Variants in ATP2A2 observed in about 807,000 individuals in gnomAD.
The protein encoded by ATP2A2 is sarcoplasmic/endoplasmic reticulum calcium ATPase 2.
In ATP2A2, 14 loss-of-function variants were observed where a neutral mutation model predicts 109.3. The ratio of observed to expected loss-of-function variants is 0.13; its 90% CI spans 0.08 to 0.20. The LOEUF is 0.20. Among genes scored for constraint, ATP2A2 ranks in the 10% least tolerant of loss-of-function variants. The probability of loss-of-function intolerance (pLI) is 1.00; values close to 1 mark genes in which losing one functional copy is unlikely to be tolerated. For synonymous variants in ATP2A2, 506 were observed against 490.9 expected, an observed-to-expected ratio of 1.03 and a Z score of -0.41; for missense variants, 657 against 1,321.6, an observed-to-expected ratio of 0.50 and a Z score of 7.80.
At chr12:110,320,992 G>A (rs1008437696) in intron 5 of ATP2A2, among the ~76,000 whole-genome samples, 13 of 152,330 alleles carry the variant, frequency 8.5e-5, no homozygotes, top group Non-Finnish European at 1.3e-4. Context: ...ATTTTGGGAG[G>A]CAAGGCAGGT....
intron 5 of ATP2A2, among the ~76,000 whole-genome samples, chr12:110,300,116 T>TCCCCCCCCCC (rs1874420070): frequency 1.9e-5 from 2 of 103,340 alleles, no homozygotes; most frequent in African/African-American, 9.0e-5. Flanking sequence ...CCTCCCCCTT[T>TCCCCCCCCCC]CCCTCCCCTC....
At chr12:110,297,740 C>A (rs999601954) in intron 5 of ATP2A2, among the ~76,000 whole-genome samples, 2 of 152,030 alleles carry the variant, frequency 1.3e-5, no homozygotes, top group African/African-American at 4.8e-5. Flanking sequence ...CACTTTGCCC[C>A]CCAAATAGCT....
rs1178977431 is a variant in ATP2A2 at position 110,293,367 on chromosome 12, CT to C, written c.324+1264del. 5.4e-3 allele frequency among the ~76,000 whole-genome samples: 434 copies of C among 79,932 alleles called. 7 individuals carry two copies. Among genetic ancestry groups the C allele is most frequent in the African/African-American group, 0.018 (340 of 19,014 alleles). The allele number at this position is 79,932 out of a possible 152,430, so 52.4% of individuals were successfully genotyped here. On this transcript the variant is annotated intron_variant, in intron 4 of 19. Coordinates refer to ENST00000539276, the MANE Select transcript of ATP2A2 (RefSeq NM_170665.4). ...ACAGGTGTGAGCCACCACTCCCGGCCTTTTTTTTTTTTTTTTTTTTTGTTTG... is the reference window on the plus strand; with the variant it reads ...ACAGGTGTGAGCCACCACTCCCGGCCTTTTTTTTTTTTTTTTTTTTGTTTG...
chr12:110,291,124 T>C (rs1051364720), intron 3 of ATP2A2, among the ~76,000 whole-genome samples: 1 of 152,010 alleles, frequency 6.6e-6, no homozygotes, highest in African/African-American at 2.4e-5. Flanking sequence ...GTCAGGCTGG[T>C]CTCGAGCTCC....
intron 5 of ATP2A2, among the ~76,000 whole-genome samples, chr12:110,300,724 A>G (rs766130917): frequency 5.4e-5 from 8 of 148,018 alleles, no homozygotes; most frequent in South Asian, 2.1e-4. Flanking sequence ...GGCTCAAGCG[A>G]TCCTCCTCCT....
Position 110,347,538 on chromosome 12 carries a change from C to T in ATP2A2, c.*1068C>T, listed in dbSNP as rs1879994084. 6.2e-6 allele frequency: 8 copies of T among 1,288,340 alleles called. No homozygotes were observed. The highest frequency in any genetic ancestry group is 8.1e-6 in the Non-Finnish European group (8 of 988,116). 79.8% of individuals were successfully genotyped at this position (1,288,340 alleles called of 1,614,324 possible). ...ACATTTTATGCAAGTTTCTGCTGGC[C>T]TGGTATAGAGAACATAAGGGCAAGT... is the stretch of plus-strand genomic sequence containing the variant. On this transcript the variant is annotated 3_prime_UTR_variant, in exon 20 of 20. Transcript: ENST00000539276.
Position 110,342,496 on chromosome 12 carries a change from G to C in ATP2A2, c.2318+48G>C, listed in dbSNP as rs56128143. 1.3e-6 allele frequency: 2 copies of C among 1,584,918 alleles called. No homozygotes were observed. Among genetic ancestry groups the C allele is most frequent in the Non-Finnish European group, 1.7e-6 (2 of 1,158,050 alleles). On this transcript the variant is annotated intron_variant, in intron 15 of 19. Transcript: ENST00000539276. The surrounding 1 kb of genome is among the most constrained non-coding windows in gnomAD (Gnocchi z 4.6). ...CTTACTGTACGCCTTTATCTAAATG[G>C]GTCATGGAGCCCAGTTCTCGCAGTT...
In ATP2A2 at chr12:110,347,331, C is replaced by A; in HGVS notation, c.*861C>A. 1 of 1,283,536 alleles carries A rather than the reference C, an allele frequency of 7.8e-7. No homozygotes were observed. Among genetic ancestry groups the A allele is most frequent in the South Asian group, 1.2e-5 (1 of 80,336 alleles). 79.5% of individuals were successfully genotyped at this position (1,283,536 alleles called of 1,614,324 possible). A position where few individuals can be genotyped will look rare whatever the true frequency, so the allele number is the denominator to read the frequency against. On this transcript the variant is annotated 3_prime_UTR_variant, in exon 20 of 20. Coordinates refer to ENST00000539276, the MANE Select transcript of ATP2A2 (RefSeq NM_170665.4). ...TAAATGGACAGAGAAAAATAACTGT[C>A]TTGTCTTTAACTCGTAAGTGGCTTA...
rs376686258 is a variant in ATP2A2 at position 110,344,800 on chromosome 12, G to A, written c.2522-86G>A. ...TCACTGTCCCATGTCTTTGATCTTC[G>A]TCCTTGTGGGGACTGGCCTGCATGG... On this transcript the variant is annotated intron_variant, in intron 16 of 19. Coordinates refer to ENST00000539276, the MANE Select transcript of ATP2A2 (RefSeq NM_170665.4). 982 of 1,318,550 alleles carry A rather than the reference G, an allele frequency of 7.4e-4. 4 individuals carry two copies. The highest frequency in any genetic ancestry group is 8.9e-4 in the Non-Finnish European group (812 of 912,558). The allele number at this position is 1,318,550 out of a possible 1,614,324, so 81.7% of individuals were successfully genotyped here.
intron 15 of ATP2A2, 22 bp from the exon 16 acceptor site, chr12:110,343,210 T>G (rs375903253): frequency 1.2e-6 from 2 of 1,612,576 alleles, no homozygotes; most frequent in South Asian, 1.1e-5. Flanking sequence ...TCTCTTTGTC[T>G]TCTTTTCTTG....
intron 4 of ATP2A2, among the ~76,000 whole-genome samples, chr12:110,293,388 TGTTTGTTTG>T (rs1283116676): frequency 1.1e-5 from 1 of 94,064 alleles, no homozygotes; most frequent in Non-Finnish European, 2.2e-5. Flanking sequence ...TTTTTTTTTT[TGTTTGTTTG>T]TTTGTTTGTT....
chr12:110,350,748 G>T lies in ATP2A2; in HGVS notation c.*4278G>T. 5.2e-6 allele frequency: 1 copy of T among 193,408 alleles called. No individual in the cohort carries two copies. Among genetic ancestry groups the T allele is most frequent in the Non-Finnish European group, 1.1e-5 (1 of 91,994 alleles). 12.0% of individuals were successfully genotyped at this position (193,408 alleles called of 1,614,324 possible). A position where few individuals can be genotyped will look rare whatever the true frequency, so the allele number is the denominator to read the frequency against. On this transcript the variant is annotated 3_prime_UTR_variant, in exon 20 of 20. Coordinates refer to ENST00000539276, the MANE Select transcript of ATP2A2 (RefSeq NM_170665.4). ...ATTGGAACATGCTACTTTTTAATTG[G>T]CCCTGTACAGTTTGCTTATTTATAA...
chr12:110,315,898 C>T (rs1336838427), intron 5 of ATP2A2, among the ~76,000 whole-genome samples: 2 of 152,176 alleles, frequency 1.3e-5, no homozygotes, highest in East Asian at 1.9e-4. Context: ...GAGATCACGC[C>T]ACTGTGCTCC....
intron 11 of ATP2A2, among the ~76,000 whole-genome samples, chr12:110,334,770 G>T (rs917338365): frequency 6.6e-6 from 1 of 151,644 alleles, no homozygotes; most frequent in Non-Finnish European, 1.5e-5. Context: ...TGTATTTTTC[G>T]TAGAAAGGGG....
intron 4 of ATP2A2, among the ~76,000 whole-genome samples, chr12:110,294,559 G>A (rs1489631796): frequency 6.6e-6 from 1 of 152,048 alleles, no homozygotes; most frequent in African/African-American, 2.4e-5. Context: ...GGAGGCTGAG[G>A]CAGGGCTTGA....
chr12:110,333,290 C>T lies in ATP2A2; in HGVS notation c.1287+7C>T. On this transcript the variant is annotated splice_region_variant and intron_variant, in intron 10 of 19. Coordinates refer to ENST00000539276, the MANE Select transcript of ATP2A2 (RefSeq NM_170665.4). ...TGCTTTGGATTACAATGAGGTAAGTCTCTTCATAAATTAGAAGGAATGGCT... is the reference window on the plus strand; with the variant it reads ...TGCTTTGGATTACAATGAGGTAAGTTTCTTCATAAATTAGAAGGAATGGCT... 5 of 1,601,250 alleles carry T rather than the reference C, an allele frequency of 3.1e-6. 1 individual carries two copies. The South Asian group carries it at 5.5e-5, about 18-fold the overall frequency.
At chr12:110,298,757 C>T (rs1412970825) in intron 5 of ATP2A2, among the ~76,000 whole-genome samples, 1 of 152,178 alleles carries the variant, frequency 6.6e-6, no homozygotes, top group African/African-American at 2.4e-5. Context: ...AAATGTTATA[C>T]TATCACAGAT....
rs1009931768 is a variant in ATP2A2 at position 110,347,464 on chromosome 12, A to T, written c.*994A>T. On this transcript the variant is annotated 3_prime_UTR_variant, in exon 20 of 20. Transcript: ENST00000539276. ...CTCCTGCTCTGCTGTGTAGGTAGTCATAGGAATTGTATTCTTAATGTACAG... is the reference window on the plus strand; with the variant it reads ...CTCCTGCTCTGCTGTGTAGGTAGTCTTAGGAATTGTATTCTTAATGTACAG... 7.8e-7 allele frequency: 1 copy of T among 1,289,086 alleles called. No homozygotes were observed. Among genetic ancestry groups the T allele is most frequent in the Admixed American group, 2.3e-5 (1 of 43,554 alleles). 79.9% of individuals were successfully genotyped at this position (1,289,086 alleles called of 1,614,324 possible).
rs575348528 is a variant in ATP2A2 at position 110,339,001 on chromosome 12, C to T, written c.1420-280C>T. Among the ~76,000 whole-genome samples the T allele has an allele frequency of 6.6e-6, 1 of 152,326 alleles. No homozygotes were observed. Among genetic ancestry groups the T allele is most frequent in the East Asian group, 1.9e-4 (1 of 5,184 alleles). On this transcript the variant is annotated intron_variant, in intron 11 of 19. Transcript: ENST00000539276. The surrounding 1 kb of genome is among the most constrained non-coding windows in gnomAD (Gnocchi z 4.4). The stretch of plus-strand genomic sequence containing the variant: ...CAGGCCCCATGGGGCCATCTTTATT[C>T]AAATGTCACCGCCTTCTGGCCACTT...
Sources: allele counts gnomAD v4.1 joint callset (sites outside exome capture counted in the v4.1 genomes callset), GRCh38; gene constraint gnomAD v4.1.1; non-coding constraint Gnocchi (gnomAD v3.1); transcripts MANE v1.5; gene names NCBI Gene and HGNC (gene_info 2026-07-23, HGNC 2026-07-21).